DCC: variants seen among roughly 807,000 people sequenced by gnomAD.
DCC encodes the protein DCC netrin 1 receptor, also known as netrin receptor DCC.
A neutral mutation model predicts 172.5 loss-of-function variants in DCC; 58 were observed. The ratio of observed to expected loss-of-function variants is 0.34; its 90% CI spans 0.27 to 0.42. The LOEUF is 0.42. DCC is among the 10% of genes least tolerant of loss of function. The pLI is 1.00. For missense variants in DCC, 1,740 were observed against 1,791.0 expected (o/e 0.97, Z 0.51); for synonymous variants, 709 against 644.5 (o/e 1.10, Z -1.52).
At chr18:53,385,170 C>T (rs547020774) in intron 15 of DCC, among the ~76,000 whole-genome samples, 1 of 152,116 alleles carries the variant, frequency 6.6e-6, no homozygotes, top group Non-Finnish European at 1.5e-5. Flanking sequence ...ACATAGAGCT[C>T]CCTGTCCTGT....
At chr18:52,981,634 G>T (rs559635761) in intron 5 of DCC, among the ~76,000 whole-genome samples, 2 of 152,134 alleles carry the variant, frequency 1.3e-5, no homozygotes, top group Admixed American at 1.3e-4. Flanking sequence ...TCAGTTAAAT[G>T]TGAGATTGGT....
intron 1 of DCC, among the ~76,000 whole-genome samples, chr18:52,537,898 A>G (rs2144695997): frequency 6.6e-6 from 1 of 152,216 alleles, no homozygotes; most frequent in African/African-American, 2.4e-5. Flanking sequence ...CTTTTCCATG[A>G]TTACTAGAAT....
At chr18:52,534,634 A>G (rs928281859) in intron 1 of DCC, among the ~76,000 whole-genome samples, 3 of 152,176 alleles carry the variant, frequency 2.0e-5, no homozygotes, top group Non-Finnish European at 4.4e-5. Flanking sequence ...AAGGTCACAA[A>G]TTTAGCAAAG....
intron 7 of DCC, among the ~76,000 whole-genome samples, chr18:53,130,141 G>A (rs2043628844): frequency 1.3e-5 from 2 of 151,996 alleles, no homozygotes; most frequent in Non-Finnish European, 2.9e-5. Flanking sequence ...AGCAATTGCA[G>A]ACTACCCATT....
chr18:52,374,909 T>G (rs1233337250), intron 1 of DCC, among the ~76,000 whole-genome samples: 1 of 152,196 alleles, frequency 6.6e-6, no homozygotes, highest in Non-Finnish European at 1.5e-5. Flanking sequence ...TTACACTCCT[T>G]TTTTTCTCCT....
intron 16 of DCC, among the ~76,000 whole-genome samples, 195 bp from the exon 17 acceptor site, chr18:53,391,460 G>A (rs553938383): frequency 2.0e-5 from 3 of 151,998 alleles, no homozygotes; most frequent in Non-Finnish European, 4.4e-5. Context: ...TTACTTTTTT[G>A]CAATATAGCA....
At chr18:52,879,272 G>A (rs921697978) in intron 2 of DCC, among the ~76,000 whole-genome samples, 1 of 152,068 alleles carries the variant, frequency 6.6e-6, no homozygotes, top group Non-Finnish European at 1.5e-5. Flanking sequence ...CCCTGGGGCT[G>A]TGTCTACATG....
chr18:53,382,236 T>A (rs1907819491), intron 15 of DCC, among the ~76,000 whole-genome samples: 1 of 152,080 alleles, frequency 6.6e-6, no homozygotes, highest in African/African-American at 2.4e-5. Context: ...AAAGGCAATT[T>A]TAAATGGCTC....
chr18:53,501,789 C>T (rs1397809687), intron 27 of DCC, among the ~76,000 whole-genome samples: 1 of 152,100 alleles, frequency 6.6e-6, no homozygotes, highest in African/African-American at 2.4e-5. Context: ...TGGAAGTCAA[C>T]CTATGCTCTG....
At chr18:52,807,265 G>A (rs972467975) in intron 2 of DCC, among the ~76,000 whole-genome samples, 11 of 152,230 alleles carry the variant, frequency 7.2e-5, no homozygotes, top group African/African-American at 2.2e-4. Context: ...AATACTAGAC[G>A]CACTGCGCCT....
intron 13 of DCC, among the ~76,000 whole-genome samples, chr18:53,314,937 A>G (rs1192097800): frequency 6.6e-6 from 1 of 152,140 alleles, no homozygotes; most frequent in Non-Finnish European, 1.5e-5. Flanking sequence ...AATACTTACA[A>G]TACACTAGAT....
At chr18:52,693,645 A>G (rs1206724276) in intron 1 of DCC, among the ~76,000 whole-genome samples, 1 of 151,930 alleles carries the variant, frequency 6.6e-6, no homozygotes, top group African/African-American at 2.4e-5. Flanking sequence ...CCTTGGAGAA[A>G]TAACTGACTC....
intron 5 of DCC, among the ~76,000 whole-genome samples, chr18:52,960,437 G>A (rs775305690): frequency 6.6e-6 from 1 of 151,994 alleles, no homozygotes; most frequent in Non-Finnish European, 1.5e-5. Context: ...CTTTAGGCCT[G>A]CTGTCTCTAC....
chr18:53,266,274 T>C (rs1412089374), intron 12 of DCC, among the ~76,000 whole-genome samples: 1 of 152,208 alleles, frequency 6.6e-6, no homozygotes, highest in African/African-American at 2.4e-5. Context: ...GCTATTTCAA[T>C]CCTCATACAT....
intron 1 of DCC, among the ~76,000 whole-genome samples, chr18:52,501,869 T>C (rs1247561008): frequency 1.3e-5 from 2 of 152,190 alleles, no homozygotes; most frequent in African/African-American, 4.8e-5. Context: ...GGATGCAGTT[T>C]CTCATTATCT....
chr18:52,417,800 C>A (rs1369329304), intron 1 of DCC, among the ~76,000 whole-genome samples: 1 of 152,142 alleles, frequency 6.6e-6, no homozygotes, highest in African/African-American at 2.4e-5. Flanking sequence ...TTTTTAACTT[C>A]TTTGCCTTTG....
chr18:53,107,535 A>C (rs200571727), intron 7 of DCC, among the ~76,000 whole-genome samples: 2 of 95,526 alleles, frequency 2.1e-5, no homozygotes, highest in African/African-American at 6.1e-5. Context: ...AAAAAAAAAA[A>C]GGAAGGAAAA....
At chr18:52,789,987 G>T (rs937592628) in intron 2 of DCC, among the ~76,000 whole-genome samples, 2 of 152,152 alleles carry the variant, frequency 1.3e-5, no homozygotes, top group African/African-American at 4.8e-5. Flanking sequence ...CTGCTCTCAA[G>T]ATCAGAGCTT....
intron 7 of DCC, among the ~76,000 whole-genome samples, chr18:53,071,375 C>G (rs987061303): frequency 6.6e-6 from 1 of 152,066 alleles, no homozygotes; most frequent in Non-Finnish European, 1.5e-5. Context: ...ACGGTTTCCT[C>G]TAGATAAAGA....
Sources: gnomAD v4.1 joint callset for allele counts (sites outside exome capture counted in the v4.1 genomes callset) on GRCh38, gnomAD v4.1.1 for gene constraint, MANE v1.5 for transcripts, NCBI Gene and HGNC (gene_info 2026-07-23, HGNC 2026-07-21) for gene names.